KAZN: variants seen among roughly 807,000 people sequenced by gnomAD.
KAZN encodes the protein kazrin, periplakin interacting protein, also known as kazrin.
In KAZN, 40 loss-of-function variants were observed where a neutral mutation model predicts 87.4. The observed-to-expected ratio is 0.46, with a 90% CI of 0.36 to 0.60. KAZN has a LOEUF of 0.60. KAZN is among the 20% of genes least tolerant of loss of function. KAZN has a pLI of 0.00. For synonymous variants in KAZN, 466 were observed against 458.3 expected (o/e 1.02, Z -0.22); for missense variants, 898 against 1,073.9 (o/e 0.84, Z 2.29).
intron 2 of KAZN, among the ~76,000 whole-genome samples, chr1:14,446,983 G>C (rs1667017598): frequency 6.6e-6 from 1 of 152,108 alleles, no homozygotes; most frequent in African/African-American, 2.4e-5. Context: ...TGATGCTGAG[G>C]TTTGGGGTAC....
At chr1:14,452,034 G>T (rs1243815717) in intron 2 of KAZN, among the ~76,000 whole-genome samples, 2 of 152,146 alleles carry the variant, frequency 1.3e-5, no homozygotes, top group Non-Finnish European at 2.9e-5. Context: ...CCGTCTCCTG[G>T]ATTCTAGCGA....
intron 1 of KAZN, among the ~76,000 whole-genome samples, chr1:14,919,002 A>C (rs1019678986): frequency 6.6e-6 from 1 of 151,994 alleles, no homozygotes; most frequent in Non-Finnish European, 1.5e-5. Flanking sequence ...AATAGGTAAT[A>C]TACTTCCCAT....
chr1:14,050,981 A>G (rs1642304157), intron 1 of KAZN, among the ~76,000 whole-genome samples: 1 of 152,224 alleles, frequency 6.6e-6, no homozygotes, highest in South Asian at 2.1e-4. Context: ...ATCGAGCCAG[A>G]TACCAGTTAA....
chr1:14,930,305 T>TA (rs1659663480), intron 1 of KAZN, among the ~76,000 whole-genome samples: 1 of 152,224 alleles, frequency 6.6e-6, no homozygotes, highest in South Asian at 2.1e-4. Flanking sequence ...ATCACAGGCA[T>TA]TCACTGTGTT....
intron 1 of KAZN, among the ~76,000 whole-genome samples, chr1:14,806,455 C>A (rs1404512162): frequency 6.6e-6 from 1 of 152,332 alleles, no homozygotes; most frequent in African/African-American, 2.4e-5. Context: ...TCATCCCCTG[C>A]AGACACCTTC....
intron 1 of KAZN, among the ~76,000 whole-genome samples, chr1:14,036,818 C>T (rs796493374): frequency 2.9e-4 from 44 of 151,624 alleles, no homozygotes; most frequent in African/African-American, 1.0e-3. Context: ...CTCGCTCTGT[C>T]GCCCAGGCTG....
At chr1:14,052,725 C>T (rs1642392588) in intron 1 of KAZN, among the ~76,000 whole-genome samples, 1 of 152,142 alleles carries the variant, frequency 6.6e-6, no homozygotes, top group Non-Finnish European at 1.5e-5. Flanking sequence ...GTTAAGGTAA[C>T]AAAGGAGAGA....
intron 1 of KAZN, among the ~76,000 whole-genome samples, chr1:14,671,632 G>A (rs1639923884): frequency 6.6e-6 from 1 of 152,082 alleles, no homozygotes; most frequent in Admixed American, 6.5e-5. Context: ...GTGGGCAAAG[G>A]GCCCATCCTT....
chr1:14,331,504 T>G (rs1227936860), intron 2 of KAZN, among the ~76,000 whole-genome samples: 1 of 152,222 alleles, frequency 6.6e-6, no homozygotes, highest in East Asian at 1.9e-4. Flanking sequence ...TATACCTTAC[T>G]GCTGCTATTT....
At chr1:14,560,743 T>A (rs766314692) in intron 2 of KAZN, among the ~76,000 whole-genome samples, 2 of 151,368 alleles carry the variant, frequency 1.3e-5, no homozygotes, top group Non-Finnish European at 2.9e-5. Flanking sequence ...AAGGAGAAGA[T>A]GGGAAAGAGG....
At chr1:14,629,532 T>C (rs564723763) in intron 1 of KAZN, among the ~76,000 whole-genome samples, 1 of 152,236 alleles carries the variant, frequency 6.6e-6, no homozygotes, top group Non-Finnish European at 1.5e-5. Context: ...TCGGGTGAGG[T>C]GGCCACGCCC....
At chr1:14,068,213 C>T (rs111469820) in intron 1 of KAZN, among the ~76,000 whole-genome samples, 213 of 152,302 alleles carry the variant, frequency 1.4e-3, no homozygotes, top group African/African-American at 4.7e-3. Context: ...GATCTACCAA[C>T]CACCACATTA....
chr1:14,561,541 G>A (rs1363166702), intron 2 of KAZN, among the ~76,000 whole-genome samples: 1 of 152,152 alleles, frequency 6.6e-6, no homozygotes, highest in African/African-American at 2.4e-5. Context: ...CTGCAGGTGG[G>A]AAACTTTCAC....
At chr1:14,711,567 G>A (rs74061313) in intron 1 of KAZN, among the ~76,000 whole-genome samples, 5,723 of 152,134 alleles carry the variant, frequency 0.038, 381 homozygotes, top group African/African-American at 0.13. Flanking sequence ...CCAAGATTAG[G>A]TTATGAAGGA....
chr1:14,030,922 C>T (rs1189605065), intron 1 of KAZN, among the ~76,000 whole-genome samples: 1 of 152,186 alleles, frequency 6.6e-6, no homozygotes, highest in Non-Finnish European at 1.5e-5. Flanking sequence ...CTTGACCCAG[C>T]AACTGCTGCA....
At chr1:14,261,568 G>GGACA (rs1557601218) in intron 2 of KAZN, among the ~76,000 whole-genome samples, 2 of 152,102 alleles carry the variant, frequency 1.3e-5, no homozygotes, top group African/African-American at 4.8e-5. Context: ...CTCCACCGAC[G>GGACA]AGGCACTTAA....
At chr1:14,011,601 G>A (rs541023061) in intron 1 of KAZN, among the ~76,000 whole-genome samples, 4 of 152,248 alleles carry the variant, frequency 2.6e-5, no homozygotes, top group Admixed American at 6.5e-5. Flanking sequence ...AGACTCTGTC[G>A]AGGGAGGGAT....
chr1:13,957,517 TA>T (rs1386114712), intron 1 of KAZN, among the ~76,000 whole-genome samples: 1 of 152,190 alleles, frequency 6.6e-6, no homozygotes, highest in Non-Finnish European at 1.5e-5. Flanking sequence ...TGAGGCTGGG[TA>T]ATTTGCATAG....
At chr1:14,867,202 A>C (rs1572685836) in intron 1 of KAZN, among the ~76,000 whole-genome samples, 2 of 152,148 alleles carry the variant, frequency 1.3e-5, no homozygotes, top group South Asian at 4.1e-4. Flanking sequence ...TGGAGCGTGG[A>C]GGCCTCTCGG....
Sources: gnomAD v4.1 joint callset for allele counts (sites outside exome capture counted in the v4.1 genomes callset) on GRCh38, gnomAD v4.1.1 for gene constraint, MANE v1.5 for transcripts, NCBI Gene and HGNC (gene_info 2026-07-23, HGNC 2026-07-21) for gene names.